LRRC28: variants seen among roughly 807,000 people sequenced by gnomAD.
The protein encoded by LRRC28 is leucine-rich repeat-containing protein 28.
In LRRC28, 39 loss-of-function variants were observed where a neutral mutation model predicts 45.7. The ratio of observed to expected loss-of-function variants is 0.85; its 90% CI spans 0.66 to 1.12. LRRC28 has a LOEUF of 1.12. LRRC28 is among the 50% of genes most tolerant of loss of function. The pLI is 0.00. For synonymous variants in LRRC28, 206 were observed against 178.8 expected, an observed-to-expected ratio of 1.15 and a Z score of -1.22; for missense variants, 435 against 438.5, an observed-to-expected ratio of 0.99 and a Z score of 0.07.
intron 5 of LRRC28, among the ~76,000 whole-genome samples, chr15:99,330,521 A>G (rs940441577): frequency 2.6e-5 from 4 of 151,524 alleles, no homozygotes; most frequent in Non-Finnish European, 5.9e-5. Flanking sequence ...TTTCTTGTCT[A>G]TTTTTTTCTG....
intron 2 of LRRC28, among the ~76,000 whole-genome samples, chr15:99,264,195 T>C (rs1229910835): frequency 6.6e-6 from 1 of 152,212 alleles, no homozygotes; most frequent in Non-Finnish European, 1.5e-5. Flanking sequence ...CAATCTAAAC[T>C]AGTCCTGATT....
chr15:99,271,819 G>A (rs1452317133), intron 2 of LRRC28, among the ~76,000 whole-genome samples: 8 of 152,076 alleles, frequency 5.3e-5, no homozygotes, highest in African/African-American at 1.4e-4. Flanking sequence ...GGCTGGTCTC[G>A]AACTCTTGAC....
At chr15:99,273,493 T>C (rs1597200906) in intron 2 of LRRC28, among the ~76,000 whole-genome samples, 1 of 152,182 alleles carries the variant, frequency 6.6e-6, no homozygotes, top group Non-Finnish European at 1.5e-5. Context: ...CGCCTCGGCC[T>C]CCCAAAGTGC....
chr15:99,259,423 A>G, intron 2 of LRRC28: 3 of 1,403,676 alleles, frequency 2.1e-6, no homozygotes, highest in Non-Finnish European at 3.0e-6. Context: ...ACAGTGAGAA[A>G]ACTAAGGAGA....
Position 99,388,981 on chromosome 15 carries a change from T to C in LRRC28, c.*2879T>C, listed in dbSNP as rs192643748. On this transcript the variant is annotated 3_prime_UTR_variant, in exon 10 of 10. Coordinates refer to ENST00000301981, the MANE Select transcript of LRRC28 (RefSeq NM_144598.5). ...TACCAAAAACCTTAATTACATAACA[T>C]TGTGTGGATGAAATGCTGCATCTTC... is the stretch of plus-strand genomic sequence containing the variant. 1 of 152,324 alleles carries C rather than the reference T, an allele frequency of 6.6e-6. No homozygotes were observed. The highest frequency in any genetic ancestry group is 6.5e-5 in the Admixed American group (1 of 15,300). The allele number at this position is 152,324 out of a possible 1,614,324, so 9.4% of individuals were successfully genotyped here.
chr15:99,344,621 A>G (rs889624224), intron 6 of LRRC28, among the ~76,000 whole-genome samples: 1 of 152,250 alleles, frequency 6.6e-6, no homozygotes, highest in Non-Finnish European at 1.5e-5. Context: ...TTGAAAAGCT[A>G]AGACAAGATC....
Position 99,360,003 on chromosome 15 carries a change from C to G in LRRC28, c.696-1333C>G, listed in dbSNP as rs189767746. Among the ~76,000 whole-genome samples the G allele has an allele frequency of 3.7e-4, 56 of 152,246 alleles. No homozygotes were observed. In the East Asian group the frequency reaches 4.0e-3, roughly 11 times the overall value. The stretch of plus-strand genomic sequence containing the variant: ...TTGGGTTCTCTTTACCTCTTTGCCA[C>G]TTATCAGTCCCTTTCCTGTCTACCA... On this transcript the variant is annotated intron_variant, in intron 7 of 9. Coordinates refer to ENST00000301981, the MANE Select transcript of LRRC28 (RefSeq NM_144598.5).
intron 5 of LRRC28, among the ~76,000 whole-genome samples, chr15:99,301,877 C>T (rs1954982469): frequency 1.3e-5 from 2 of 151,988 alleles, no homozygotes; most frequent in Non-Finnish European, 2.9e-5. Flanking sequence ...CCTGTATTTC[C>T]TTATCCCCAG....
rs1555555141 is a variant in LRRC28, at chr15:99,282,177, G to GTTTTTTTTTTTTTTGTTTTGT, written c.210-5064_210-5063insTTTGTTTTTTTTTTTTTTTGT. On this transcript the variant is annotated intron_variant, in intron 3 of 9. Transcript: ENST00000301981. ...GGATTCCTTATGCAAATTTTTGGAG[G>GTTTTTTTTTTTTTTGTTTTGT]TTTTTTTTTTTTTTGTAGCAGTAGC... Among the ~76,000 whole-genome samples, 27 of 98,058 alleles carry GTTTTTTTTTTTTTTGTTTTGT rather than the reference G, an allele frequency of 2.8e-4. 2 individuals carry two copies. The highest frequency in any genetic ancestry group is 1.3e-3 in the African/African-American group (27 of 20,780). The allele number at this position is 98,058 out of a possible 152,430, so 64.3% of individuals were successfully genotyped here. A position where few individuals can be genotyped will look rare whatever the true frequency, so the allele number is the denominator to read the frequency against.
chr15:99,347,453 C>T (rs760130383), intron 6 of LRRC28, among the ~76,000 whole-genome samples: 4 of 152,158 alleles, frequency 2.6e-5, no homozygotes, highest in Non-Finnish European at 4.4e-5. Flanking sequence ...GTGATCTGCC[C>T]GCCTTGGCCT....
At chr15:99,341,236 G>A (rs1466359948) in intron 6 of LRRC28, among the ~76,000 whole-genome samples, 4 of 151,746 alleles carry the variant, frequency 2.6e-5, no homozygotes, top group African/African-American at 7.3e-5. Context: ...GATTATAGGC[G>A]CACACTGCCA....
At chr15:99,283,091 C>G (rs1444864598) in intron 3 of LRRC28, among the ~76,000 whole-genome samples, 1 of 151,952 alleles carries the variant, frequency 6.6e-6, no homozygotes, top group East Asian at 2.0e-4. Flanking sequence ...CGAGGTTTCT[C>G]CATGTTGGTC....
intron 9 of LRRC28, among the ~76,000 whole-genome samples, chr15:99,365,142 A>G (rs1296072598): frequency 6.6e-6 from 1 of 152,214 alleles, no homozygotes; most frequent in Non-Finnish European, 1.5e-5. Flanking sequence ...GATCCTTCAA[A>G]TCACTTTTAT....
intron 2 of LRRC28, among the ~76,000 whole-genome samples, chr15:99,263,505 T>A (rs1262993823): frequency 6.6e-6 from 1 of 152,188 alleles, no homozygotes; most frequent in Non-Finnish European, 1.5e-5. Context: ...GTTTGTCACA[T>A]GATAGGTATT....
intron 2 of LRRC28, among the ~76,000 whole-genome samples, chr15:99,271,064 C>T (rs2081465145): frequency 6.6e-6 from 1 of 152,170 alleles, no homozygotes; most frequent in South Asian, 2.1e-4. Context: ...TGCATATCTT[C>T]TTGGGAGAAA....
chr15:99,255,895 T>C lies in LRRC28; in HGVS notation c.-60-3T>C, dbSNP rs2081003038. The C allele has an allele frequency of 6.6e-7, 1 of 1,507,544 alleles. No individual in the cohort carries two copies. Among genetic ancestry groups the C allele is most frequent in the East Asian group, 2.3e-5 (1 of 42,972 alleles). The allele number at this position is 1,507,544 out of a possible 1,614,324, so 93.4% of individuals were successfully genotyped here. A position where few individuals can be genotyped will look rare whatever the true frequency, so the allele number is the denominator to read the frequency against. On this transcript the variant is annotated splice_region_variant and splice_polypyrimidine_tract_variant and intron_variant, in intron 1 of 9. Transcript: ENST00000301981. The stretch of plus-strand genomic sequence containing the variant: ...TGAATAAATTTTCTCGTTCTCTTTA[T>C]AGAAATGGACCAATTTTGACAAGAT...
At chr15:99,254,503 T>G (rs1392330157) in intron 1 of LRRC28, among the ~76,000 whole-genome samples, 2 of 151,008 alleles carry the variant, frequency 1.3e-5, no homozygotes, top group Admixed American at 1.3e-4. Context: ...TACTTTCCAA[T>G]AGAGAGTTGG....
At chr15:99,293,663 A>G (rs1013407900) in intron 5 of LRRC28, among the ~76,000 whole-genome samples, 5 of 139,212 alleles carry the variant, frequency 3.6e-5, no homozygotes, top group Non-Finnish European at 7.6e-5. Context: ...AATATTCACC[A>G]TTTCCTGTGC....
intron 2 of LRRC28, among the ~76,000 whole-genome samples, chr15:99,264,486 C>T (rs2081282594): frequency 6.6e-6 from 1 of 152,132 alleles, no homozygotes; most frequent in Non-Finnish European, 1.5e-5. Flanking sequence ...TCCACAGAAC[C>T]TTAGGTTTAC....
Sources: gnomAD v4.1 joint callset for allele counts (sites outside exome capture counted in the v4.1 genomes callset) on GRCh38, gnomAD v4.1.1 for gene constraint, MANE v1.5 for transcripts, NCBI Gene and HGNC (gene_info 2026-07-23, HGNC 2026-07-21) for gene names.